ZNF276: variants seen among roughly 807,000 people sequenced by gnomAD.
The protein encoded by ZNF276 is centromere protein Z.
In ZNF276, 59 loss-of-function variants were observed where a neutral mutation model predicts 63.9. The ratio of observed to expected loss-of-function variants is 0.92; its 90% confidence interval spans 0.75 to 1.15. The LOEUF (loss-of-function observed/expected upper bound fraction) is 1.15, where lower values mean the gene tolerates loss of function less well. ZNF276 is among the 50% of genes most tolerant of loss of function. ZNF276 has a pLI of 0.00. For synonymous variants in ZNF276, 496 were observed against 348.4 expected (o/e 1.42, Z -4.72); for missense variants, 1,084 against 843.8 (o/e 1.28, Z -3.53).
intron 4 of ZNF276, 57 bp downstream of exon 4, chr16:89,723,766 G>T (rs1467835993): frequency 2.0e-6 from 3 of 1,511,998 alleles, no homozygotes; most frequent in African/African-American, 1.4e-5. Flanking sequence ...AGTGGGGCAG[G>T]GTTTTCAGCA....
intron 5 of ZNF276, among the ~76,000 whole-genome samples, chr16:89,727,905 G>A (rs1289594981): frequency 6.6e-6 from 1 of 152,214 alleles, no homozygotes; most frequent in African/African-American, 2.4e-5. Flanking sequence ...GCCTCAGAAG[G>A]GACCTCATCA....
chr16:89,736,758 G>GCACTT (rs1250331116), intron 9 of ZNF276, among the ~76,000 whole-genome samples: 1 of 125,210 alleles, frequency 8.0e-6, no homozygotes, highest in African/African-American at 3.1e-5. Flanking sequence ...TTGTACCATT[G>GCACTT]CACTTCAACC....
Position 89,722,700 on chromosome 16 carries a change from C to A in ZNF276, c.375C>A (p.Val125=), listed in dbSNP as rs1318207210. 3.1e-6 allele frequency: 5 copies of A among 1,612,250 alleles called. No individual in the cohort carries two copies. The highest frequency in any genetic ancestry group is 4.2e-6 in the Non-Finnish European group (5 of 1,180,034). The change falls in exon 2 of 11, where the codon GTC becomes GTA. Residue 125 remains valine, a synonymous_variant. Transcript: ENST00000443381. The part of the protein sequence containing the change: ...RDFQRLLGVA[V]RQDPTLSPFV... ...TCCAGCGCCTGCTTGGTGTGGCTGTCCGCCAGGACCCCACCTTGTCTCCGT... is the reference window on the plus strand; with the variant it reads ...TCCAGCGCCTGCTTGGTGTGGCTGTACGCCAGGACCCCACCTTGTCTCCGT...
Position 89,740,452 on chromosome 16 carries a change from T to A in ZNF276, c.*2206T>A. On this transcript the variant is annotated 3_prime_UTR_variant, in exon 11 of 11. Transcript: ENST00000443381. ...CCAGTTCAAGACCAGCCTGGCAATA[T>A]GGTGAAACCCCGTCTCTACTAAAAA... The A allele has an allele frequency of 2.2e-6, 1 of 457,172 alleles. No individual in the cohort carries two copies. The highest frequency in any genetic ancestry group is 3.6e-5 in the Admixed American group (1 of 27,410). The allele number at this position is 457,172 out of a possible 1,614,324, so 28.3% of individuals were successfully genotyped here.
chr16:89,738,824 A>G lies in ZNF276; in HGVS notation c.*578A>G, dbSNP rs763142032. The G allele has an allele frequency of 6.2e-7, 1 of 1,613,958 alleles. No homozygotes were observed. Among genetic ancestry groups the G allele is most frequent in the African/African-American group, 1.3e-5 (1 of 74,948 alleles). Reference sequence around the variant, plus strand: ...TGCCAGCCAGGCAGGCACATGGCCCAGGCAGCTGTCAATTCTCATGTCCCC... The same window carrying G: ...TGCCAGCCAGGCAGGCACATGGCCCGGGCAGCTGTCAATTCTCATGTCCCC... On this transcript the variant is annotated 3_prime_UTR_variant, in exon 11 of 11. Transcript: ENST00000443381.
At chr16:89,720,524 T>C (rs891354763), upstream of ZNF276, 4 of 1,156,780 alleles carry the variant, frequency 3.5e-6, no homozygotes, top group East Asian at 4.1e-5. Flanking sequence ...CAGGCTGTGA[T>C]GCACCGGCTC....
In ZNF276 at chr16:89,723,267, G is replaced by C. The variant is rs61744522; in HGVS notation, c.564G>C (p.Leu188=). 1.2e-6 allele frequency: 2 copies of C among 1,613,100 alleles called. No homozygotes were observed. Among genetic ancestry groups the C allele is most frequent in the African/African-American group, 2.7e-5 (2 of 75,066 alleles). The change falls in exon 4 of 11, where the codon CTG becomes CTC. Residue 188 remains leucine, a synonymous_variant. Coordinates refer to ENST00000443381, the MANE Select transcript of ZNF276 (RefSeq NM_001113525.2). Reference sequence around the variant, plus strand: ...TCTGTTGACTCTCTGCAGTGGATCTGATCACATCCAGCCCCCAGTGCCTGC... The same window carrying C: ...TCTGTTGACTCTCTGCAGTGGATCTCATCACATCCAGCCCCCAGTGCCTGC... ...GAEEGACLVD[L]ITSSPQCLHG...
In ZNF276 at chr16:89,738,017, T is replaced by A; in HGVS notation, c.1616T>A (p.Leu539His). The change falls in exon 11 of 11, where the codon CTC becomes CAC. Residue 539 changes from leucine (L) to histidine (H), a missense_variant. Coordinates refer to ENST00000443381, the MANE Select transcript of ZNF276 (RefSeq NM_001113525.2). Reference protein sequence around the residue: ...CGFQCRQRASLKYHMTKHKAE... With the variant: ...CGFQCRQRASHKYHMTKHKAE... ...TTCCAGTGCAGGCAGCGGGCATCCC[T>A]CAAGTACCACATGACCAAACACAAG... 1 of 1,614,108 alleles carries A rather than the reference T, an allele frequency of 6.2e-7. No individual in the cohort carries two copies. Among genetic ancestry groups the A allele is most frequent in the Non-Finnish European group, 8.5e-7 (1 of 1,180,038 alleles).
At chr16:89,730,929 C>T (rs12709092) in intron 6 of ZNF276, among the ~76,000 whole-genome samples, 1 of 152,184 alleles carries the variant, frequency 6.6e-6, no homozygotes, top group Admixed American at 6.5e-5. Context: ...CAGTGGTTCC[C>T]GCCAGAGGGG....
chr16:89,737,899 C>G lies in ZNF276; in HGVS notation c.1568C>G (p.Pro523Arg), dbSNP rs1377295048. 6.2e-7 allele frequency: 1 copy of G among 1,606,958 alleles called. No homozygotes were observed. Among genetic ancestry groups the G allele is most frequent in the Non-Finnish European group, 8.5e-7 (1 of 1,179,234 alleles). ...CAAATGCGACATTCGGGAGCCAAGC[C>G]TTTGCAGTAAGTGTGAGTCAGGACC... ...VHQMRHSGAK[P>R]LQCEVCGFQC... Residue 523 changes from proline (P) to arginine (R), a missense_variant, in exon 10 of 11, where the codon CCT becomes CGT. Coordinates refer to ENST00000443381, the MANE Select transcript of ZNF276 (RefSeq NM_001113525.2).
chr16:89,720,632 C>CCCGGGATCCGT (rs2061235547), upstream of ZNF276: 2 of 1,236,394 alleles, frequency 1.6e-6, no homozygotes, highest in African/African-American at 3.2e-5. Context: ...CCGGGAACCG[C>CCCGGGATCCGT]GGCCCGGGAT....
upstream of ZNF276, chr16:89,721,339 C>T: frequency 3.3e-6 from 1 of 302,210 alleles, no homozygotes; most frequent in Non-Finnish European, 6.1e-6. Context: ...TGTCGGCGAG[C>T]CCCTCCGCCC....
chr16:89,737,843 C>T lies in ZNF276; in HGVS notation c.1512C>T (p.Thr504=), dbSNP rs530844175. The change falls in exon 10 of 11, where the codon ACC becomes ACT. Residue 504 remains threonine, a synonymous_variant. Coordinates refer to ENST00000443381, the MANE Select transcript of ZNF276 (RefSeq NM_001113525.2). ...RNYICDECGQ[T]FKQRKHLLVH... The stretch of plus-strand genomic sequence containing the variant: ...ATATCTGTGACGAATGTGGACAAAC[C>T]TTCAAGCAGCGGAAGCACCTTCTCG... The T allele has an allele frequency of 1.9e-6, 3 of 1,614,174 alleles. No homozygotes were observed. Among genetic ancestry groups the T allele is most frequent in the Non-Finnish European group, 1.7e-6 (2 of 1,180,046 alleles).
intron 4 of ZNF276, 149 bp downstream of exon 4, chr16:89,723,858 C>T (rs1445715028): frequency 3.4e-6 from 3 of 872,452 alleles, no homozygotes; most frequent in Admixed American, 2.9e-5. Context: ...CTGCCTGCGG[C>T]TGCTCACCAC....
In ZNF276 at chr16:89,723,276, C is replaced by T. The variant is rs753155673; in HGVS notation, c.573C>T (p.Ser191=). The T allele has an allele frequency of 1.2e-6, 2 of 1,613,100 alleles. No individual in the cohort carries two copies. The highest frequency in any genetic ancestry group is 1.7e-6 in the Non-Finnish European group (2 of 1,179,970). The stretch of plus-strand genomic sequence containing the variant: ...TCTCTGCAGTGGATCTGATCACATC[C>T]AGCCCCCAGTGCCTGCACGGCTTGG... ...EGACLVDLIT[S]SPQCLHGLVG... is the part of the protein sequence containing the mutation. Residue 191 remains serine (S), a synonymous_variant, in exon 4 of 11, where the codon TCC becomes TCT. Coordinates refer to ENST00000443381, the MANE Select transcript of ZNF276 (RefSeq NM_001113525.2).
rs1055245849 is a variant in ZNF276 at position 89,721,769 on chromosome 16, C to T, written c.129C>T (p.Asp43=). Residue 43 remains aspartate (D), a synonymous_variant, in exon 1 of 11, where the codon GAC becomes GAT. Transcript: ENST00000443381. ...CCCTTAGCGGTGGGCCGAGGGTGGA[C>T]GGGGCGACGGCGCGGCGCGCCTGGG... The part of the protein sequence containing the change: ...RPSLSGGPRV[D]GATARRAWGP... The T allele has an allele frequency of 1.7e-5, 22 of 1,266,644 alleles. No individual in the cohort carries two copies. In the African/African-American group the frequency reaches 3.1e-4, roughly 18 times the overall value. 78.5% of individuals were successfully genotyped at this position (1,266,644 alleles called of 1,614,324 possible). A position where few individuals can be genotyped will look rare whatever the true frequency, so the allele number is the denominator to read the frequency against.
intron 2 of ZNF276, 47 bp downstream of exon 2, chr16:89,722,881 G>A: frequency 6.3e-7 from 1 of 1,575,802 alleles, no homozygotes; most frequent in Non-Finnish European, 8.6e-7. Context: ...CAGTACTGCA[G>A]TGTGACGGGT....
chr16:89,727,159 C>G, intron 4 of ZNF276, 120 bp from the exon 5 acceptor site: 2 of 1,064,028 alleles, frequency 1.9e-6, no homozygotes, highest in Non-Finnish European at 2.9e-6. Flanking sequence ...GTGGGGAGAA[C>G]TTGAGGGTCA....
intron 5 of ZNF276, 150 bp downstream of exon 5, chr16:89,727,507 G>T (rs956094836): frequency 2.2e-5 from 19 of 870,008 alleles, no homozygotes; most frequent in Non-Finnish European, 3.1e-5. Context: ...CTGCCCATGC[G>T]CTGGTACCAA....
Sources: allele counts gnomAD v4.1 joint callset (sites outside exome capture counted in the v4.1 genomes callset), GRCh38; gene constraint gnomAD v4.1.1; transcripts MANE v1.5; gene names NCBI Gene and HGNC (gene_info 2026-07-23, HGNC 2026-07-21).